The following RANBP2 variants were observed in gnomAD, a reference collection of about 807,000 sequenced individuals.
RANBP2 encodes E3 SUMO-protein ligase RanBP2.
RANBP2 carries 57 observed loss-of-function variants against 303.6 expected under a neutral mutation model. The observed-to-expected ratio is 0.19, with a 90% CI of 0.15 to 0.23. The LOEUF (loss-of-function observed/expected upper bound fraction) is 0.23, where lower values mean the gene tolerates loss of function less well. Among genes scored for constraint, RANBP2 ranks in the 10% least tolerant of loss-of-function variants. RANBP2 has a pLI of 1.00. For missense variants in RANBP2, 3,138 were observed against 3,780.8 expected (o/e 0.83, Z 4.46); for synonymous variants, 1,167 against 1,301.5 (o/e 0.90, Z 2.23).
At chr2:109,715,883 C>G in the RANBP2 span, among the ~76,000 whole-genome samples, 4 of 152,166 alleles carry the variant, frequency 2.6e-5, no homozygotes, top group African/African-American at 9.7e-5. Context: ...ATCACAATAT[C>G]ATAATCACAA....
the RANBP2 span, among the ~76,000 whole-genome samples, chr2:109,434,357 C>T: frequency 6.6e-6 from 1 of 152,252 alleles, no homozygotes; most frequent in Non-Finnish European, 1.5e-5. Flanking sequence ...TTCCCAGTTT[C>T]CAGTTTCTCT....
the RANBP2 span, among the ~76,000 whole-genome samples, chr2:109,194,063 A>G: frequency 1.3e-5 from 2 of 152,192 alleles, no homozygotes; most frequent in South Asian, 2.1e-4. Context: ...CAGTGTGCCA[A>G]ATCTCCAGGT....
intron 25 of RANBP2, among the ~76,000 whole-genome samples, chr2:108,779,498 T>C (rs1678096224): frequency 6.6e-6 from 1 of 152,094 alleles, no homozygotes; most frequent in Admixed American, 6.6e-5. Context: ...TTTTTTCCCC[T>C]CCATTAAATC....
chr2:109,050,426 T>A, the RANBP2 span, among the ~76,000 whole-genome samples: 2 of 91,042 alleles, frequency 2.2e-5, no homozygotes, highest in East Asian at 2.0e-4. Flanking sequence ...GCGAATTTTT[T>A]AATTTTTGTA....
At chr2:109,134,084 A>G in the RANBP2 span, among the ~76,000 whole-genome samples, 1 of 152,162 alleles carries the variant, frequency 6.6e-6, no homozygotes, top group African/African-American at 2.4e-5. Context: ...TCTGTTGAAC[A>G]TTTACTGAGT....
At chr2:109,161,582 G>A in the RANBP2 span, among the ~76,000 whole-genome samples, 8 of 151,844 alleles carry the variant, frequency 5.3e-5, no homozygotes, top group Admixed American at 3.9e-4. Context: ...AGAAAAAAAA[G>A]GTTTATTTGG....
At chr2:109,452,745 C>T in the RANBP2 span, among the ~76,000 whole-genome samples, 2 of 151,322 alleles carry the variant, frequency 1.3e-5, no homozygotes, top group African/African-American at 2.4e-5. Flanking sequence ...GAGGCTTGTC[C>T]CCAGGAGGCT....
At chr2:109,552,183 C>T in the RANBP2 span, among the ~76,000 whole-genome samples, 1 of 152,142 alleles carries the variant, frequency 6.6e-6, no homozygotes, top group East Asian at 1.9e-4. Context: ...ACAGTTTCAT[C>T]CTGAAACCAT....
chr2:109,603,855 G>A, the RANBP2 span, among the ~76,000 whole-genome samples: 1 of 151,976 alleles, frequency 6.6e-6, no homozygotes, highest in Non-Finnish European at 1.5e-5. Flanking sequence ...CCAATATGGT[G>A]AAACCGTCTC....
chr2:109,099,600 A>G, the RANBP2 span, among the ~76,000 whole-genome samples: 1 of 151,790 alleles, frequency 6.6e-6, no homozygotes, highest in Non-Finnish European at 1.5e-5. Flanking sequence ...GCGGGGGTCC[A>G]TTCAGTTAGC....
the RANBP2 span, among the ~76,000 whole-genome samples, chr2:109,530,235 C>G: frequency 1.3e-5 from 2 of 152,136 alleles, no homozygotes. Flanking sequence ...CCCAGGGAGG[C>G]GAGCTGAGCC....
chr2:109,083,653 C>A, the RANBP2 span, among the ~76,000 whole-genome samples: 2 of 152,118 alleles, frequency 1.3e-5, no homozygotes, highest in Non-Finnish European at 2.9e-5. Context: ...GCTTTCAGTT[C>A]TTCTGGATAT....
chr2:108,850,131 A>G, the RANBP2 span, among the ~76,000 whole-genome samples: 2 of 152,200 alleles, frequency 1.3e-5, no homozygotes, highest in Admixed American at 6.5e-5. Flanking sequence ...TTTATCGTTA[A>G]ATATACTGAA....
chr2:109,022,572 G>A, the RANBP2 span, among the ~76,000 whole-genome samples: 2 of 152,188 alleles, frequency 1.3e-5, no homozygotes, highest in Non-Finnish European at 2.9e-5. Flanking sequence ...GACATGGAGA[G>A]TGGAATAATA....
chr2:109,527,614 A>C, the RANBP2 span, among the ~76,000 whole-genome samples: 4 of 152,134 alleles, frequency 2.6e-5, no homozygotes, highest in Non-Finnish European at 5.9e-5. Context: ...GAATCATGTG[A>C]ATTTTCTAGG....
the RANBP2 span, among the ~76,000 whole-genome samples, chr2:108,886,870 C>T: frequency 1.3e-5 from 2 of 152,146 alleles, no homozygotes; most frequent in African/African-American, 2.4e-5. Context: ...TGATCATTTC[C>T]TTTTCTGTGT....
the RANBP2 span, among the ~76,000 whole-genome samples, chr2:109,637,467 A>G: frequency 6.6e-6 from 1 of 152,162 alleles, no homozygotes; most frequent in Non-Finnish European, 1.5e-5. Context: ...ACAAGGCCAT[A>G]TTTCAGACTA....
the RANBP2 span, among the ~76,000 whole-genome samples, chr2:109,242,582 G>A: frequency 6.6e-6 from 1 of 152,190 alleles, no homozygotes; most frequent in African/African-American, 2.4e-5. Flanking sequence ...GCCCCAGGCC[G>A]GCCTAGCCCA....
At chr2:109,275,015 A>G in the RANBP2 span, among the ~76,000 whole-genome samples, 3 of 152,236 alleles carry the variant, frequency 2.0e-5, no homozygotes, top group Non-Finnish European at 4.4e-5. Context: ...AGCACCATTT[A>G]TACTGTAATA....
Sources: gnomAD v4.1 joint callset for allele counts (sites outside exome capture counted in the v4.1 genomes callset) on GRCh38, gnomAD v4.1.1 for gene constraint, MANE v1.5 for transcripts, NCBI Gene and HGNC (gene_info 2026-07-23, HGNC 2026-07-21) for gene names.